The following GALNT14 variants were observed in gnomAD, a reference collection of about 807,000 sequenced individuals.
GALNT14 encodes UDP-GalNAc:polypeptide N-acetylgalactosaminyltransferase 14.
GALNT14 carries 60 observed loss-of-function variants against 77.5 expected under a neutral mutation model. That is an observed-to-expected ratio of 0.77 (90% CI 0.63 to 0.96). The LOEUF (loss-of-function observed/expected upper bound fraction) is 0.96. GALNT14 is among the 40% of genes least tolerant of loss of function. GALNT14 has a pLI of 0.00. For missense variants in GALNT14, 710 were observed against 731.0 expected, an observed-to-expected ratio of 0.97 and a Z score of 0.33; for synonymous variants, 280 against 281.7, an observed-to-expected ratio of 0.99 and a Z score of 0.06.
chr2:30,945,277 C>T (rs1666620232), intron 7 of GALNT14, among the ~76,000 whole-genome samples: 1 of 152,204 alleles, frequency 6.6e-6, no homozygotes, highest in Non-Finnish European at 1.5e-5. Context: ...CACTGAGTCT[C>T]AGGAAGGTGT....
rs983703454 is a variant in GALNT14 at position 31,080,545 on chromosome 2, C to G, written c.129+57413G>C. On this transcript the variant is annotated intron_variant, in intron 1 of 14. Transcript: ENST00000349752. ...TAGTTAGATGTTTGTATATGGAGAA[C>G]AGTTTTCTTTAAAAACAAATCACTA... Among the ~76,000 whole-genome samples, 12 of 152,188 alleles carry G rather than the reference C, an allele frequency of 7.9e-5. No homozygotes were observed. The South Asian group carries it at 8.3e-4, about 11-fold the overall frequency.
At chr2:30,888,174 G>C in the GALNT14 span, among the ~76,000 whole-genome samples, 5 of 152,140 alleles carry the variant, frequency 3.3e-5, no homozygotes, top group African/African-American at 1.2e-4. Flanking sequence ...CCCCATTCCT[G>C]TCATAGGTCT....
chr2:30,981,475 C>T (rs1473622453), intron 2 of GALNT14, among the ~76,000 whole-genome samples: 1 of 152,202 alleles, frequency 6.6e-6, no homozygotes, highest in Non-Finnish European at 1.5e-5. Context: ...AATCAGCCTA[C>T]ATGTGCACCT....
chr2:31,020,128 CTCAG>C (rs1423489883), intron 1 of GALNT14, among the ~76,000 whole-genome samples: 5 of 152,148 alleles, frequency 3.3e-5, no homozygotes, highest in African/African-American at 1.2e-4. Context: ...AAATGAGCAA[CTCAG>C]TCAGGGACTT....
chr2:31,000,435 C>CTGTCTGTG (rs1553354623), intron 1 of GALNT14, among the ~76,000 whole-genome samples: 1 of 145,974 alleles, frequency 6.9e-6, no homozygotes, highest in Non-Finnish European at 1.5e-5. Flanking sequence ...ATATCACCAA[C>CTGTCTGTG]TGTGTGTGTG....
At chr2:30,922,959 A>G (rs1449490903) in intron 13 of GALNT14, among the ~76,000 whole-genome samples, 1 of 152,128 alleles carries the variant, frequency 6.6e-6, no homozygotes, top group East Asian at 1.9e-4. Context: ...TCGTTTGTAG[A>G]GAAAAGAACA....
intron 1 of GALNT14, chr2:31,132,719 C>G (rs1284600987): frequency 4.2e-6 from 2 of 470,794 alleles, no homozygotes; most frequent in Non-Finnish European, 8.8e-6. Flanking sequence ...AACCCTGAAA[C>G]AAAAATGAAA....
intron 1 of GALNT14, among the ~76,000 whole-genome samples, chr2:31,060,912 G>A (rs576268885): frequency 2.6e-5 from 4 of 152,288 alleles, no homozygotes; most frequent in Admixed American, 2.0e-4. Flanking sequence ...CAGGACTGAC[G>A]GAGGCTGCTT....
chr2:31,044,704 G>A (rs537756979), intron 1 of GALNT14, among the ~76,000 whole-genome samples: 1 of 152,068 alleles, frequency 6.6e-6, no homozygotes, highest in Admixed American at 6.5e-5. Flanking sequence ...GTTTGCTTGA[G>A]TCTAGGAGTT....
At chr2:31,083,410 A>C (rs369630795) in intron 1 of GALNT14, among the ~76,000 whole-genome samples, 12 of 152,314 alleles carry the variant, frequency 7.9e-5, no homozygotes, top group African/African-American at 2.4e-4. Context: ...GTGAATCGAT[A>C]ATCATTAACG....
chr2:31,097,113 C>A (rs1677041693), intron 1 of GALNT14, among the ~76,000 whole-genome samples: 1 of 152,076 alleles, frequency 6.6e-6, no homozygotes, highest in Non-Finnish European at 1.5e-5. Context: ...GGCAATCCTG[C>A]TTATGTGAGA....
intron 1 of GALNT14, among the ~76,000 whole-genome samples, chr2:30,995,520 G>T (rs1313646103): frequency 6.6e-6 from 1 of 152,076 alleles, no homozygotes; most frequent in African/African-American, 2.4e-5. Context: ...TAGAGATGGG[G>T]TCTCACTCTG....
chr2:31,016,363 A>G (rs1477113120), intron 1 of GALNT14, among the ~76,000 whole-genome samples: 1 of 152,118 alleles, frequency 6.6e-6, no homozygotes, highest in Non-Finnish European at 1.5e-5. Flanking sequence ...CTCTCCAAAT[A>G]CAGTCACATG....
intron 2 of GALNT14, among the ~76,000 whole-genome samples, chr2:30,969,126 C>A (rs915963070): frequency 6.6e-6 from 1 of 152,136 alleles, no homozygotes; most frequent in Admixed American, 6.5e-5. Context: ...CAGGAGGCAA[C>A]AAGTCACAGA....
rs533867519 is a variant in GALNT14, at chr2:30,930,298, C to T, written c.1059-811G>A. ...TCTATCCTTTACCACAGTGGAAGTA[C>T]TCAGGTCCCAGCTCTCCAAGGGGAA... On this transcript the variant is annotated intron_variant, in intron 10 of 14. Transcript: ENST00000349752. 5.3e-5 allele frequency among the ~76,000 whole-genome samples: 8 copies of T among 152,350 alleles called. No individual in the cohort carries two copies. In the South Asian group the frequency reaches 6.2e-4, roughly 12 times the overall value.
chr2:30,899,053 C>G, the GALNT14 span, among the ~76,000 whole-genome samples: 37 of 152,134 alleles, frequency 2.4e-4, no homozygotes, highest in Admixed American at 2.3e-3. Flanking sequence ...CTGTTGCCAC[C>G]CTCCATCTGC....
At position 31,092,638 on chromosome 2, in the gene GALNT14, A is replaced by G. The variant is rs1676810605; in HGVS notation, c.129+45320T>C. On this transcript the variant is annotated intron_variant, in intron 1 of 14. Coordinates refer to ENST00000349752, the MANE Select transcript of GALNT14 (RefSeq NM_024572.4). ...ATAAGGCTCCCTCTCCATGGCTTCA[A>G]AAAGTCAACCTGGGACTGGAGACCC... 2.6e-5 allele frequency among the ~76,000 whole-genome samples: 4 copies of G among 152,182 alleles called. No individual in the cohort carries two copies. In the South Asian group the frequency reaches 8.3e-4, roughly 32 times the overall value.
intron 1 of GALNT14, among the ~76,000 whole-genome samples, chr2:31,089,335 A>G (rs919382183): frequency 2.0e-5 from 3 of 152,168 alleles, no homozygotes; most frequent in African/African-American, 7.2e-5. Context: ...CCACAGTACC[A>G]ATGACATAGT....
At chr2:31,130,783 T>TGTGTGTGCGC (rs1181788023) in intron 1 of GALNT14, among the ~76,000 whole-genome samples, 28 of 118,672 alleles carry the variant, frequency 2.4e-4, no homozygotes, top group African/African-American at 9.8e-4. Context: ...TGTGTGTGTG[T>TGTGTGTGCGC]GCGCGCGCAC....
Sources: gnomAD v4.1 joint callset for allele counts (sites outside exome capture counted in the v4.1 genomes callset) on GRCh38, gnomAD v4.1.1 for gene constraint, MANE v1.5 for transcripts, NCBI Gene and HGNC (gene_info 2026-07-23, HGNC 2026-07-21) for gene names.